The following COL4A4 variants were observed in gnomAD, a reference collection of about 807,000 sequenced individuals.
The protein encoded by COL4A4 is collagen alpha-4(IV) chain.
In COL4A4, 105 loss-of-function variants were observed where a neutral mutation model predicts 192.9. The ratio of observed to expected loss-of-function variants is 0.54; its 90% CI spans 0.46 to 0.64. The LOEUF is 0.64. Ranked by LOEUF, COL4A4 falls within the 30% of genes least tolerant of loss-of-function variation. The pLI, the probability that COL4A4 is intolerant of heterozygous loss-of-function variation, is 0.00. For missense variants in COL4A4, 1,967 were observed against 2,169.3 expected (o/e 0.91, Z 1.85); for synonymous variants, 762 against 769.9 (o/e 0.99, Z 0.17).
chr2:227,046,215 A>G (rs1044917537), intron 35 of COL4A4, among the ~76,000 whole-genome samples: 3 of 151,232 alleles, frequency 2.0e-5, no homozygotes, highest in African/African-American at 7.3e-5. Context: ...CATTTTAGCA[A>G]TCTTACAGTA....
intron 28 of COL4A4, among the ~76,000 whole-genome samples, chr2:227,057,982 A>G (rs1975897913): frequency 6.6e-6 from 1 of 152,210 alleles, no homozygotes; most frequent in African/African-American, 2.4e-5. Flanking sequence ...CATCACTTGT[A>G]TTCTCAAATT....
At chr2:227,012,632 CAAAAA>C (rs61163440) in intron 44 of COL4A4, among the ~76,000 whole-genome samples, 1 of 110,276 alleles carries the variant, frequency 9.1e-6, no homozygotes, top group South Asian at 3.0e-4. Context: ...TATTTGACTT[CAAAAA>C]AAAAAAAAAA....
Position 227,045,839 on chromosome 2 carries a change from T to C in COL4A4, c.3289+1636A>G, listed in dbSNP as rs201338885. Among the ~76,000 whole-genome samples the C allele has an allele frequency of 1.1e-3, 38 of 34,234 alleles. 12 individuals carry two copies. In the Middle Eastern group the frequency reaches 0.041, roughly 37 times the overall value. The allele number at this position is 34,234 out of a possible 152,430, so 22.5% of individuals were successfully genotyped here. A position where few individuals can be genotyped will look rare whatever the true frequency, so the allele number is the denominator to read the frequency against. ...ATACACATATATATATATACACACA[T>C]ATATATATACACATATATATATACA... On this transcript the variant is annotated intron_variant, in intron 35 of 47. Transcript: ENST00000396625.
At chr2:227,085,954 A>AATT (rs2059580814) in intron 22 of COL4A4, among the ~76,000 whole-genome samples, 3 of 152,114 alleles carry the variant, frequency 2.0e-5, no homozygotes, top group Non-Finnish European at 4.4e-5. Flanking sequence ...AAAACACATG[A>AATT]CTCAATTGAA....
At chr2:227,053,424 C>A (rs1028932365) in intron 31 of COL4A4, among the ~76,000 whole-genome samples, 2 of 152,024 alleles carry the variant, frequency 1.3e-5, no homozygotes, top group Non-Finnish European at 2.9e-5. Flanking sequence ...TACCTTCACC[C>A]ATTAGAGCCA....
chr2:226,995,718 C>T, the COL4A4 span: 1 of 592,834 alleles, frequency 1.7e-6, no homozygotes, highest in Admixed American at 3.1e-5. Flanking sequence ...TGGGCCTTCT[C>T]CTGGCCTTGT....
At chr2:227,047,095 A>T (rs536708390) in intron 35 of COL4A4, among the ~76,000 whole-genome samples, 1 of 152,154 alleles carries the variant, frequency 6.6e-6, no homozygotes, top group African/African-American at 2.4e-5. Flanking sequence ...AGCTGTAGTC[A>T]TTGTGAGTGG....
chr2:227,083,821 T>C (rs371997536), intron 22 of COL4A4, among the ~76,000 whole-genome samples: 1 of 152,190 alleles, frequency 6.6e-6, no homozygotes, highest in African/African-American at 2.4e-5. Flanking sequence ...GCTGTACTAA[T>C]TTATAAGCTG....
intron 1 of COL4A4, among the ~76,000 whole-genome samples, chr2:227,163,674 G>C (rs1022060898): frequency 6.6e-6 from 1 of 152,204 alleles, no homozygotes; most frequent in Non-Finnish European, 1.5e-5. Flanking sequence ...CATTTCCGCA[G>C]ATAAGATTTG....
intron 25 of COL4A4, among the ~76,000 whole-genome samples, chr2:227,065,216 G>C (rs769318693): frequency 1.3e-5 from 2 of 152,224 alleles, no homozygotes; most frequent in Non-Finnish European, 1.5e-5. Flanking sequence ...ATCACATCCC[G>C]CACCTGGCTC....
intron 46 of COL4A4, among the ~76,000 whole-genome samples, chr2:227,010,053 ATATACT>A (rs1435394609): frequency 5.9e-5 from 9 of 152,292 alleles, no homozygotes; most frequent in Admixed American, 3.9e-4. Context: ...AAAACTAATA[ATATACT>A]TATTATTAGC....
chr2:226,975,943 G>T, the COL4A4 span, among the ~76,000 whole-genome samples: 1 of 152,030 alleles, frequency 6.6e-6, no homozygotes, highest in African/African-American at 2.4e-5. Context: ...GGGTTGTTGT[G>T]TTCTGTATCT....
At chr2:227,097,308 T>G (rs1559613702) in intron 19 of COL4A4, among the ~76,000 whole-genome samples, 1 of 152,180 alleles carries the variant, frequency 6.6e-6, no homozygotes, top group African/African-American at 2.4e-5. Context: ...AAGAAATGAA[T>G]GGGATAGAAG....
chr2:227,108,779 C>A, intron 11 of COL4A4, 54 bp downstream of exon 11: 2 of 1,575,542 alleles, frequency 1.3e-6, no homozygotes, highest in South Asian at 2.2e-5. Flanking sequence ...TATCAGTGGT[C>A]AACCATTTCA....
chr2:227,047,022 C>T (rs140929804), intron 35 of COL4A4, among the ~76,000 whole-genome samples: 2,430 of 152,064 alleles, frequency 0.016, 25 homozygotes, highest in Non-Finnish European at 0.026. Context: ...TCAACAATGG[C>T]GCACCACTTA....
the COL4A4 span, among the ~76,000 whole-genome samples, chr2:226,979,087 G>A: frequency 5.9e-5 from 9 of 152,224 alleles, no homozygotes; most frequent in South Asian, 2.1e-4. Flanking sequence ...GAAGCTATTC[G>A]TGTGGCTCAT....
At position 227,103,964 on chromosome 2, in the gene COL4A4, G is replaced by A. The variant is rs2150805287; in HGVS notation, c.816+8C>T. On this transcript the variant is annotated splice_region_variant and intron_variant, in intron 13 of 47. Coordinates refer to ENST00000396625, the MANE Select transcript of COL4A4 (RefSeq NM_000092.5). The stretch of plus-strand genomic sequence containing the variant: ...CTTTCCAAGGTGACATATGGATTTG[G>A]GAATTACCTTTTCTCCTTTATAGAG... The A allele has an allele frequency of 6.2e-7, 1 of 1,608,028 alleles. No homozygotes were observed. The highest frequency in any genetic ancestry group is 2.2e-5 in the East Asian group (1 of 44,830).
intron 25 of COL4A4, among the ~76,000 whole-genome samples, chr2:227,065,871 C>A (rs180928709): frequency 6.6e-6 from 1 of 152,236 alleles, no homozygotes; most frequent in Admixed American, 6.5e-5. Flanking sequence ...CAAAGCTGGA[C>A]GGAGAATCAC....
intron 36 of COL4A4, 39 bp downstream of exon 36, chr2:227,043,038 A>G (rs370027242): frequency 7.0e-7 from 1 of 1,421,528 alleles, no homozygotes; most frequent in Non-Finnish European, 9.9e-7. Context: ...CTGAGACACA[A>G]GAGTGCTCAG....
Sources: gnomAD v4.1 joint callset for allele counts (sites outside exome capture counted in the v4.1 genomes callset) on GRCh38, gnomAD v4.1.1 for gene constraint, MANE v1.5 for transcripts, NCBI Gene and HGNC (gene_info 2026-07-23, HGNC 2026-07-21) for gene names.